The following GRHL2 variants were observed in gnomAD, a reference collection of about 807,000 sequenced individuals.
The protein encoded by GRHL2 is grainyhead-like protein 2 homolog.
A neutral mutation model predicts 83.8 loss-of-function variants in GRHL2; 21 were observed. The ratio of observed to expected loss-of-function variants is 0.25; its 90% CI spans 0.18 to 0.36. The LOEUF is 0.36. Ranked by LOEUF, GRHL2 falls within the 10% of genes least tolerant of loss-of-function variation. GRHL2 has a pLI of 1.00. For synonymous variants in GRHL2, 280 were observed against 278.9 expected (o/e 1.00, Z -0.04); for missense variants, 623 against 781.8 (o/e 0.80, Z 2.42).
At chr8:101,629,278 TAC>T (rs1813137702) in intron 9 of GRHL2, among the ~76,000 whole-genome samples, 1 of 151,856 alleles carries the variant, frequency 6.6e-6, no homozygotes, top group Non-Finnish European at 1.5e-5. Flanking sequence ...GCAAAAAGAA[TAC>T]AACTTGCTAA....
intron 2 of GRHL2, among the ~76,000 whole-genome samples, chr8:101,549,919 A>C (rs1032419025): frequency 6.6e-6 from 1 of 151,790 alleles, no homozygotes; most frequent in Non-Finnish European, 1.5e-5. Flanking sequence ...AAATTTTTAA[A>C]ACACTATAGG....
At chr8:101,581,881 G>T (rs1008691125) in intron 7 of GRHL2, among the ~76,000 whole-genome samples, 6 of 152,136 alleles carry the variant, frequency 3.9e-5, no homozygotes, top group Non-Finnish European at 5.9e-5. Context: ...AGGTCAAAAA[G>T]GTAGGAAGGG....
chr8:101,645,736 G>GT, intron 13 of GRHL2, among the ~76,000 whole-genome samples: 1 of 152,174 alleles, frequency 6.6e-6, no homozygotes, highest in Middle Eastern at 3.4e-3. Context: ...GTTCGCTGTT[G>GT]TAACTGTTAG....
chr8:101,600,118 G>A (rs143697190), intron 8 of GRHL2, among the ~76,000 whole-genome samples: 103 of 152,260 alleles, frequency 6.8e-4, no homozygotes, highest in Non-Finnish European at 1.3e-3. Context: ...TTGCAGGCAC[G>A]GCCACAGAAG....
In GRHL2 at chr8:101,615,525, A is replaced by G. The variant is rs571873439; in HGVS notation, c.1099-4014A>G. On this transcript the variant is annotated intron_variant, in intron 8 of 15. Transcript: ENST00000646743. The stretch of plus-strand genomic sequence containing the variant: ...TGGAAAATAACCAGTCTGCGTTAAG[A>G]CTCCTGTGATTATGGCCACCAGCAG... 3.3e-5 allele frequency among the ~76,000 whole-genome samples: 5 copies of G among 151,964 alleles called. No individual in the cohort carries two copies. The South Asian group carries it at 1.0e-3, about 32-fold the overall frequency.
intron 14 of GRHL2, among the ~76,000 whole-genome samples, chr8:101,652,027 G>A (rs1202001147): frequency 2.0e-5 from 3 of 152,104 alleles, no homozygotes; most frequent in Admixed American, 2.0e-4. Flanking sequence ...GTGTAAGCAA[G>A]GGCATAAGCA....
chr8:101,673,573 G>A (rs909297755), downstream of GRHL2, among the ~76,000 whole-genome samples: 6 of 149,682 alleles, frequency 4.0e-5, no homozygotes, highest in Admixed American at 6.7e-5. Flanking sequence ...CATAAAGCAA[G>A]TCCTTAGAGA....
intron 1 of GRHL2, among the ~76,000 whole-genome samples, chr8:101,524,809 C>G (rs1810770048): frequency 6.6e-6 from 1 of 151,714 alleles, no homozygotes; most frequent in South Asian, 2.1e-4. Flanking sequence ...AAAAAAAAAT[C>G]CAGTTTGAAA....
At chr8:101,493,302 C>A (rs552217504) in intron 1 of GRHL2, among the ~76,000 whole-genome samples, 2 of 152,312 alleles carry the variant, frequency 1.3e-5, no homozygotes, top group East Asian at 1.9e-4. Flanking sequence ...CTTCTCGCAC[C>A]GGGCAGGAGG....
chr8:101,511,663 GT>G (rs557086711), intron 1 of GRHL2, among the ~76,000 whole-genome samples: 2,305 of 146,634 alleles, frequency 0.016, 46 homozygotes, highest in African/African-American at 0.049. Context: ...CTTGTTTTTA[GT>G]TTTTTTTTTT....
At chr8:101,645,315 T>C (rs958869690) in intron 13 of GRHL2, among the ~76,000 whole-genome samples, 2 of 151,944 alleles carry the variant, frequency 1.3e-5, no homozygotes, top group Non-Finnish European at 2.9e-5. Context: ...GTATTTTTAG[T>C]AGAGACGGGG....
At chr8:101,637,666 C>T (rs1031825337) in intron 12 of GRHL2, among the ~76,000 whole-genome samples, 3 of 152,218 alleles carry the variant, frequency 2.0e-5, no homozygotes, top group Admixed American at 1.3e-4. Context: ...CTTTGACAAG[C>T]AGTCAGCCAT....
At chr8:101,656,996 C>T (rs747834092) in intron 14 of GRHL2, among the ~76,000 whole-genome samples, 27 of 152,088 alleles carry the variant, frequency 1.8e-4, no homozygotes, top group Non-Finnish European at 3.7e-4. Context: ...GATGTTCTCT[C>T]TCAATGAAGC....
At chr8:101,582,676 T>A (rs1812080960) in intron 7 of GRHL2, among the ~76,000 whole-genome samples, 1 of 152,146 alleles carries the variant, frequency 6.6e-6, no homozygotes. Flanking sequence ...GCAGGTAGAA[T>A]GTTAGGGAAA....
In GRHL2 at chr8:101,668,131, A is replaced by G. The variant is rs1814116649; in HGVS notation, c.*1428A>G. The G allele has an allele frequency of 6.6e-6, 1 of 152,474 alleles. No individual in the cohort carries two copies. Among genetic ancestry groups the G allele is most frequent in the Non-Finnish European group, 1.5e-5 (1 of 68,092 alleles). The allele number at this position is 152,474 out of a possible 1,614,324, so 9.4% of individuals were successfully genotyped here. ...TCCTGCTACATGCCCTGGGAGCTGG[A>G]AGAGAAAAACACTCCCCTAAACAAT... On this transcript the variant is annotated 3_prime_UTR_variant, in exon 16 of 16. Transcript: ENST00000646743.
At chr8:101,622,511 C>T (rs1199811386) in intron 9 of GRHL2, among the ~76,000 whole-genome samples, 5 of 151,726 alleles carry the variant, frequency 3.3e-5, no homozygotes, top group Admixed American at 6.6e-5. Flanking sequence ...GTATAGACAT[C>T]GTACAATTAT....
At chr8:101,536,739 T>C (rs1385388429) in intron 1 of GRHL2, among the ~76,000 whole-genome samples, 1 of 152,204 alleles carries the variant, frequency 6.6e-6, no homozygotes, top group Non-Finnish European at 1.5e-5. Flanking sequence ...TTGAAGACAT[T>C]GATTTTAAAT....
chr8:101,526,525 CTTTTTTTTTTT>C (rs33928032), intron 1 of GRHL2, among the ~76,000 whole-genome samples: 2 of 109,638 alleles, frequency 1.8e-5, no homozygotes, highest in Admixed American at 1.0e-4. Context: ...TCTTTTTTTC[CTTTTTTTTTTT>C]TTTTTTTTTT....
At chr8:101,651,560 G>A (rs75670914) in intron 14 of GRHL2, among the ~76,000 whole-genome samples, 2,785 of 152,240 alleles carry the variant, frequency 0.018, 70 homozygotes, top group East Asian at 0.058. Context: ...AGTGTTCTGT[G>A]GATGCAGTTG....
Sources: gnomAD v4.1 joint callset for allele counts (sites outside exome capture counted in the v4.1 genomes callset) on GRCh38, gnomAD v4.1.1 for gene constraint, MANE v1.5 for transcripts, NCBI Gene and HGNC (gene_info 2026-07-23, HGNC 2026-07-21) for gene names.